The following SPON1 variants were observed in gnomAD, a reference collection of about 807,000 sequenced individuals.
The protein encoded by SPON1 is spondin-1.
Under a neutral mutation model 111.7 loss-of-function variants are expected in SPON1, and 52 were observed. That is an observed-to-expected ratio of 0.47 (90% confidence interval 0.37 to 0.59). The LOEUF (loss-of-function observed/expected upper bound fraction) is 0.59. Ranked by LOEUF, SPON1 falls within the 20% of genes least tolerant of loss-of-function variation. The pLI, the probability that SPON1 is intolerant of heterozygous loss-of-function variation, is 0.00. For synonymous variants in SPON1, 410 were observed against 395.8 expected (o/e 1.04, Z -0.43); for missense variants, 957 against 1,068.5 (o/e 0.90, Z 1.46).
chr11:13,970,508 G>A lies in SPON1; in HGVS notation c.238+7366G>A, dbSNP rs544233579. On this transcript the variant is annotated intron_variant, in intron 1 of 15. Transcript: ENST00000576479. ...TCCAAGAACAAGTCACCATCTGTGG[G>A]GCAGGAGTGTGGGCAGGTGGGCACA... Among the ~76,000 whole-genome samples, 5 of 152,238 alleles carry A rather than the reference G, an allele frequency of 3.3e-5. No individual in the cohort carries two copies. The South Asian group carries it at 1.0e-3, about 32-fold the overall frequency.
chr11:14,236,033 C>A (rs897270268), intron 6 of SPON1, among the ~76,000 whole-genome samples: 5 of 152,080 alleles, frequency 3.3e-5, no homozygotes, highest in Non-Finnish European at 7.4e-5. Flanking sequence ...GACAGGCAGA[C>A]CATGGAGGGT....
rs1554941134 is a variant in SPON1 at position 14,255,699 on chromosome 11, T to A, written c.1145T>A (p.Leu382Gln). The change falls in exon 9 of 16, where the codon CTG becomes CAG. Residue 382 changes from leucine (L) to glutamine (Q), a missense_variant. By Grantham distance (113) the Leu-to-Gln change is moderately radical (BLOSUM62 -2). This residue lies in a region of SPON1 where 549 missense variants were observed against 606.2 expected (regional missense o/e 0.91). Coordinates refer to ENST00000576479, the MANE Select transcript of SPON1 (RefSeq NM_006108.4). Reference protein sequence around the residue: ...PQEKIRPLTSLDHPQSPFYDP... With the variant: ...PQEKIRPLTSQDHPQSPFYDP... ...GAGAAAATCCGGCCCCTGACCAGCC[T>A]GGACCATCCTCAGAGTCCTTTCTAT... 6.2e-7 allele frequency: 1 copy of A among 1,613,986 alleles called. No individual in the cohort carries two copies. Among genetic ancestry groups the A allele is most frequent in the Admixed American group, 1.7e-5 (1 of 60,026 alleles).
chr11:14,230,941 C>T (rs577839441), intron 6 of SPON1, among the ~76,000 whole-genome samples: 175 of 152,148 alleles, frequency 1.2e-3, no homozygotes, highest in African/African-American at 4.1e-3. Flanking sequence ...GGACTACAGG[C>T]ATGTGCCACC....
chr11:14,265,880 CCCTCACCTCCAGCCAG>C lies in SPON1; in HGVS notation c.*198_*213del. 1 of 575,358 alleles carries C rather than the reference CCCTCACCTCCAGCCAG, an allele frequency of 1.7e-6. No individual in the cohort carries two copies. The highest frequency in any genetic ancestry group is 2.9e-6 in the Non-Finnish European group (1 of 339,202). The allele number at this position is 575,358 out of a possible 1,614,324, so 35.6% of individuals were successfully genotyped here. On this transcript the variant is annotated 3_prime_UTR_variant, in exon 16 of 16. Transcript: ENST00000576479. The stretch of plus-strand genomic sequence containing the variant: ...TGATGGGTACAGGCTGAGTGGGGCG[CCCTCACCTCCAGCCAG>C]CCTCTTCCTGCAGAGGAGTAGTGTC...
At chr11:14,234,536 T>C (rs559576278) in intron 6 of SPON1, among the ~76,000 whole-genome samples, 2 of 152,322 alleles carry the variant, frequency 1.3e-5, no homozygotes, top group East Asian at 1.9e-4. Flanking sequence ...AAATCCAGGA[T>C]GGTACTTCAG....
At chr11:14,175,041 TG>T (rs1424953476) in intron 6 of SPON1, among the ~76,000 whole-genome samples, 1 of 59,298 alleles carries the variant, frequency 1.7e-5, no homozygotes. Flanking sequence ...TAACCATGGG[TG>T]GGGGGAGGGG....
intron 6 of SPON1, among the ~76,000 whole-genome samples, chr11:14,227,908 C>G (rs1848757968): frequency 6.6e-6 from 1 of 152,116 alleles, no homozygotes; most frequent in African/African-American, 2.4e-5. Context: ...CTCACAAACA[C>G]CCAAGGTTGA....
At chr11:14,118,081 A>T (rs1413480820) in intron 5 of SPON1, among the ~76,000 whole-genome samples, 3 of 152,212 alleles carry the variant, frequency 2.0e-5, no homozygotes, top group Non-Finnish European at 4.4e-5. Context: ...AATCTGAAAA[A>T]ATGAACTAAT....
chr11:14,175,356 G>C (rs1554932978), intron 6 of SPON1, among the ~76,000 whole-genome samples: 1 of 152,158 alleles, frequency 6.6e-6, no homozygotes, highest in Admixed American at 6.5e-5. Flanking sequence ...AAGTTAAGCT[G>C]TTAAGGACAC....
chr11:14,076,388 AG>A (rs782252853), intron 4 of SPON1, among the ~76,000 whole-genome samples: 26 of 152,220 alleles, frequency 1.7e-4, no homozygotes, highest in Non-Finnish European at 3.7e-4. Context: ...AGGTTGATAA[AG>A]GTCTTCGGGG....
chr11:14,176,140 C>G (rs1848172404), intron 6 of SPON1, among the ~76,000 whole-genome samples: 1 of 152,074 alleles, frequency 6.6e-6, no homozygotes, highest in Admixed American at 6.6e-5. Context: ...CTTTAGGGTT[C>G]ATTGAATGTG....
At chr11:13,971,439 G>A (rs1266233914) in intron 1 of SPON1, among the ~76,000 whole-genome samples, 1 of 152,176 alleles carries the variant, frequency 6.6e-6, no homozygotes, top group Non-Finnish European at 1.5e-5. Flanking sequence ...AATTATTAAA[G>A]TGACATTCCC....
intron 5 of SPON1, among the ~76,000 whole-genome samples, chr11:14,129,555 A>G (rs111822766): frequency 0.024 from 3,714 of 152,152 alleles, 158 homozygotes; most frequent in African/African-American, 0.084. Context: ...CACTCAACAA[A>G]TCTCCAGGAA....
chr11:14,234,411 G>C (rs1408803670), intron 6 of SPON1, among the ~76,000 whole-genome samples: 1 of 152,206 alleles, frequency 6.6e-6, no homozygotes, highest in Non-Finnish European at 1.5e-5. Context: ...TGGGATGGGA[G>C]GCAGGCATGC....
chr11:14,260,366 G>A (rs1027964488), intron 13 of SPON1, among the ~76,000 whole-genome samples: 9 of 148,090 alleles, frequency 6.1e-5, no homozygotes, highest in East Asian at 2.0e-4. Context: ...CATAACCATC[G>A]GGGGGGGTCA....
At chr11:14,261,806 T>C (rs1849186577) in intron 14 of SPON1, among the ~76,000 whole-genome samples, 2 of 151,974 alleles carry the variant, frequency 1.3e-5, no homozygotes, top group Admixed American at 1.3e-4. Context: ...ATGGAGCACT[T>C]ACAGGGCTGG....
intron 5 of SPON1, among the ~76,000 whole-genome samples, chr11:14,104,128 T>G (rs1849167042): frequency 6.6e-6 from 1 of 152,116 alleles, no homozygotes; most frequent in Non-Finnish European, 1.5e-5. Context: ...TAAATTTACT[T>G]TTTAGTGTTT....
At chr11:14,145,264 A>T (rs1277169472) in intron 6 of SPON1, among the ~76,000 whole-genome samples, 1 of 152,182 alleles carries the variant, frequency 6.6e-6, no homozygotes, top group Non-Finnish European at 1.5e-5. Context: ...CTGGAAGGGT[A>T]TAGAGCTGGC....
At chr11:14,233,369 A>G (rs1233125943) in intron 6 of SPON1, among the ~76,000 whole-genome samples, 1 of 152,058 alleles carries the variant, frequency 6.6e-6, no homozygotes, top group African/African-American at 2.4e-5. Flanking sequence ...CTTGCTCCCC[A>G]GCTTGCCCCA....
Sources: gnomAD v4.1 joint callset for allele counts (sites outside exome capture counted in the v4.1 genomes callset) on GRCh38, gnomAD v4.1.1 for gene constraint, gnomAD v4.1.1 regional missense constraint, MANE v1.5 for transcripts, NCBI Gene and HGNC (gene_info 2026-07-23, HGNC 2026-07-21) for gene names.